The following CREB3L2 variants were observed in gnomAD, a reference collection of about 807,000 sequenced individuals.
CREB3L2 encodes cyclic AMP-responsive element-binding protein 3-like protein 2.
CREB3L2 carries 23 observed loss-of-function variants against 57.2 expected under a neutral mutation model. The observed-to-expected ratio is 0.40, with a 90% CI of 0.29 to 0.57. The LOEUF (loss-of-function observed/expected upper bound fraction) is 0.57, where lower values mean the gene tolerates loss of function less well. Among genes scored for constraint, CREB3L2 ranks in the 20% least tolerant of loss-of-function variants. CREB3L2 has a pLI of 0.42. For missense variants in CREB3L2, 628 were observed against 634.7 expected (o/e 0.99, Z 0.11); for synonymous variants, 268 against 265.1 (o/e 1.01, Z -0.11).
At chr7:137,909,348 C>A (rs1350877629) in intron 4 of CREB3L2, among the ~76,000 whole-genome samples, 1 of 152,198 alleles carries the variant, frequency 6.6e-6, no homozygotes, top group Non-Finnish European at 1.5e-5. Flanking sequence ...CCTTGGTCAG[C>A]GTCCATCAGG....
At chr7:137,997,604 G>A (rs987101737) in intron 1 of CREB3L2, among the ~76,000 whole-genome samples, 7 of 151,880 alleles carry the variant, frequency 4.6e-5, no homozygotes, top group African/African-American at 1.7e-4. Flanking sequence ...GGCACACACT[G>A]ATACTCCCAG....
intron 1 of CREB3L2, among the ~76,000 whole-genome samples, chr7:137,976,441 G>A (rs759657452): frequency 2.0e-5 from 3 of 149,760 alleles, no homozygotes; most frequent in Admixed American, 1.3e-4. Flanking sequence ...CAATCATCTG[G>A]AGAAGTGGTT....
chr7:137,952,819 G>T (rs532864398), intron 1 of CREB3L2, among the ~76,000 whole-genome samples: 26 of 151,782 alleles, frequency 1.7e-4, no homozygotes, highest in Admixed American at 8.5e-4. Context: ...TTTTGTTTTT[G>T]TTTTTTTTAG....
At chr7:137,930,678 G>A (rs1236485177) in intron 1 of CREB3L2, among the ~76,000 whole-genome samples, 1 of 152,146 alleles carries the variant, frequency 6.6e-6, no homozygotes, top group Non-Finnish European at 1.5e-5. Flanking sequence ...CAGAATGCAG[G>A]GAAGCTACAG....
At chr7:137,923,588 G>A (rs1032036349) in intron 2 of CREB3L2, among the ~76,000 whole-genome samples, 10 of 152,160 alleles carry the variant, frequency 6.6e-5, no homozygotes, top group African/African-American at 2.2e-4. Flanking sequence ...TGAAGACACC[G>A]TTATGCACCT....
At chr7:137,969,275 T>C (rs1446647526) in intron 1 of CREB3L2, among the ~76,000 whole-genome samples, 1 of 152,134 alleles carries the variant, frequency 6.6e-6, no homozygotes, top group African/African-American at 2.4e-5. Context: ...TAGGGCAATT[T>C]GAACATGAAT....
chr7:138,001,628 G>T lies in CREB3L2; in HGVS notation c.78C>A (p.Asp26Glu), dbSNP rs565145027. Residue 26 changes from aspartate to glutamate, a missense_variant, in exon 1 of 12, where the codon GAC becomes GAA. Asp to Glu is a conservative substitution (Grantham distance 45). Transcript: ENST00000330387. The surrounding 1 kb of genome is among the most constrained non-coding windows in gnomAD (Gnocchi z 4.2). ...RKLSELSEPG[D>E]GEALMYHTHF... ...CCGTGTGGTACATGAGGGCCTCGCC[G>T]TCCCCGGGCTCTGACAGCTCGCTCA... 6.2e-7 allele frequency: 1 copy of T among 1,613,024 alleles called. No homozygotes were observed.
intron 1 of CREB3L2, among the ~76,000 whole-genome samples, chr7:137,972,716 T>A (rs372278697): frequency 0.13 from 3,470 of 26,864 alleles, 360 homozygotes; most frequent in African/African-American, 0.26. Context: ...AAAAAAAATA[T>A]ATATATATAT....
At chr7:137,985,687 T>C (rs1801780924) in intron 1 of CREB3L2, among the ~76,000 whole-genome samples, 1 of 152,188 alleles carries the variant, frequency 6.6e-6, no homozygotes. Context: ...GCCGTCCCCT[T>C]CTTGTCTTCC....
rs72580571 is a variant in CREB3L2 at position 138,001,551 on chromosome 7, GACA to G, written c.102+50_102+52del. On this transcript the variant is annotated intron_variant, in intron 1 of 11. Coordinates refer to ENST00000330387, the MANE Select transcript of CREB3L2 (RefSeq NM_194071.4). This position sits in a 1 kb window ranked among gnomAD's most constrained non-coding sequence, Gnocchi z 4.2. ...CCAGGACTCCAGCTGCTCCTCGCGT[GACA>G]ACACTTGCCCGCTTTGAAAGCCCTC... The G allele has an allele frequency of 0.058, 81,394 of 1,402,280 alleles. 2,815 individuals are homozygous for G. The highest frequency in any genetic ancestry group is 0.15 in the African/African-American group (10,471 of 70,818). The allele number at this position is 1,402,280 out of a possible 1,614,324, so 86.9% of individuals were successfully genotyped here.
chr7:137,994,783 TAAAAACA>T (rs1007644529), intron 1 of CREB3L2, among the ~76,000 whole-genome samples: 3 of 152,154 alleles, frequency 2.0e-5, no homozygotes, highest in African/African-American at 7.2e-5. Flanking sequence ...TGTCTCTATT[TAAAAACA>T]AAAAACAAAA....
chr7:137,992,206 T>A (rs887756855), intron 1 of CREB3L2, among the ~76,000 whole-genome samples: 7 of 152,052 alleles, frequency 4.6e-5, no homozygotes, highest in Non-Finnish European at 1.5e-5. Context: ...AGAAGTTACG[T>A]CTCACTTTTG....
chr7:137,978,736 G>C (rs1192296798), intron 1 of CREB3L2, among the ~76,000 whole-genome samples: 1 of 152,232 alleles, frequency 6.6e-6, no homozygotes, highest in Non-Finnish European at 1.5e-5. Context: ...TAGGGCAGTA[G>C]TGACGCAGCT....
chr7:137,882,302 G>A, intron 11 of CREB3L2, 110 bp downstream of exon 11: 4 of 764,704 alleles, frequency 5.2e-6, no homozygotes, highest in South Asian at 1.8e-5. Context: ...TGAGAGAGCT[G>A]AGGGACTGAA....
intron 8 of CREB3L2, among the ~76,000 whole-genome samples, chr7:137,897,663 A>G (rs938897336): frequency 2.6e-5 from 4 of 152,158 alleles, no homozygotes; most frequent in African/African-American, 9.7e-5. Flanking sequence ...GCGCCTGATC[A>G]AGGTAGATTA....
intron 4 of CREB3L2, 40 bp downstream of exon 4, chr7:137,912,951 A>G: frequency 6.2e-7 from 1 of 1,610,892 alleles, no homozygotes; most frequent in African/African-American, 1.3e-5. Context: ...CCCAGAGACC[A>G]TATCCATAAC....
intron 1 of CREB3L2, among the ~76,000 whole-genome samples, chr7:137,932,577 A>AAAC (rs564690931): frequency 5.2e-4 from 79 of 152,146 alleles, no homozygotes; most frequent in East Asian, 2.5e-3. Flanking sequence ...TACAAAAAAT[A>AAAC]AACAACAACA....
intron 1 of CREB3L2, among the ~76,000 whole-genome samples, chr7:137,955,078 G>A (rs1801181418): frequency 6.6e-6 from 1 of 152,166 alleles, no homozygotes. Context: ...ACATTTAAAA[G>A]TAAATAATGA....
At chr7:137,969,994 G>T (rs552252963) in intron 1 of CREB3L2, among the ~76,000 whole-genome samples, 82 of 152,200 alleles carry the variant, frequency 5.4e-4, no homozygotes, top group Admixed American at 1.8e-3. Flanking sequence ...GATGCCCAGG[G>T]TATTTTAATT....
Sources: gnomAD v4.1 joint callset for allele counts (sites outside exome capture counted in the v4.1 genomes callset) on GRCh38, gnomAD v4.1.1 for gene constraint, Gnocchi (gnomAD v3.1) non-coding constraint, MANE v1.5 for transcripts, NCBI Gene and HGNC (gene_info 2026-07-23, HGNC 2026-07-21) for gene names.